Variants in DNAI4 observed in about 807,000 individuals in gnomAD.
The protein encoded by DNAI4 is dynein axonemal intermediate chain 4.
A neutral mutation model predicts 105.8 loss-of-function variants in DNAI4; 85 were observed. The ratio of observed to expected loss-of-function variants is 0.80; its 90% CI spans 0.67 to 0.96. DNAI4 has a LOEUF of 0.96. Among genes scored for constraint, DNAI4 ranks in the 40% least tolerant of loss-of-function variants. The pLI, the probability that DNAI4 is intolerant of heterozygous loss-of-function variation, is 0.00. For missense variants in DNAI4, 1,014 were observed against 1,005.6 expected (o/e 1.01, Z -0.11); for synonymous variants, 352 against 331.5 (o/e 1.06, Z -0.67).
At chr1:66,823,767 T>C (rs1459871849) in intron 15 of DNAI4, among the ~76,000 whole-genome samples, 2 of 149,452 alleles carry the variant, frequency 1.3e-5, no homozygotes, top group Non-Finnish European at 3.0e-5. Flanking sequence ...TTTGTTTTTT[T>C]CTTGTAAATT....
At chr1:66,871,045 A>T (rs1167309540) in intron 6 of DNAI4, 1 of 254,534 alleles carries the variant, frequency 3.9e-6, no homozygotes, top group Non-Finnish European at 7.3e-6. Flanking sequence ...AGTGTCTGAC[A>T]CATTTAAAAT....
chr1:66,826,081 C>T (rs1398209420), intron 15 of DNAI4, among the ~76,000 whole-genome samples: 1 of 152,044 alleles, frequency 6.6e-6, no homozygotes. Context: ...TAAGTTCATA[C>T]CCCTCTGAAT....
intron 4 of DNAI4, among the ~76,000 whole-genome samples, chr1:66,879,755 G>A (rs1412105423): frequency 6.6e-6 from 1 of 152,016 alleles, no homozygotes; most frequent in Non-Finnish European, 1.5e-5. Context: ...TTTTTAATTT[G>A]TATTTTCCTA....
At chr1:66,851,532 TTTAAAAGAAGAGAAATCATAGTGTG>T (rs925708276) in intron 7 of DNAI4, among the ~76,000 whole-genome samples, 2 of 151,578 alleles carry the variant, frequency 1.3e-5, no homozygotes, top group African/African-American at 4.8e-5. Flanking sequence ...CCTTGACAAA[TTTAAAAGAAGAGAAATCATAGTGTG>T]TTAAAAGAAG....
chr1:66,821,492 C>A (rs1572584893), intron 16 of DNAI4, among the ~76,000 whole-genome samples: 1 of 152,138 alleles, frequency 6.6e-6, no homozygotes, highest in Non-Finnish European at 1.5e-5. Flanking sequence ...TATGAGAGGA[C>A]TCATCAAATG....
intron 4 of DNAI4, among the ~76,000 whole-genome samples, chr1:66,886,522 AT>A (rs1335847340): frequency 6.6e-6 from 1 of 152,208 alleles, no homozygotes; most frequent in East Asian, 1.9e-4. Context: ...AGCTACAGGT[AT>A]CAAAACCTTT....
At chr1:66,898,873 A>C (rs1648562337) in intron 2 of DNAI4, among the ~76,000 whole-genome samples, 1 of 152,210 alleles carries the variant, frequency 6.6e-6, no homozygotes, top group Non-Finnish European at 1.5e-5. Flanking sequence ...GGAATCATAT[A>C]CTGTGCAGTA....
chr1:66,893,034 G>GGAAAGAAA (rs60301274), intron 3 of DNAI4, among the ~76,000 whole-genome samples, 195 bp downstream of exon 3: 3 of 91,178 alleles, frequency 3.3e-5, no homozygotes, highest in African/African-American at 1.4e-4. Flanking sequence ...AAGAAAGAGA[G>GGAAAGAAA]GAAAGAAAGA....
Position 66,878,533 on chromosome 1 carries a change from T to C in DNAI4, c.644-3596A>G, listed in dbSNP as rs370359211. 9.2e-5 allele frequency among the ~76,000 whole-genome samples: 14 copies of C among 152,320 alleles called. No homozygotes were observed. The East Asian group carries it at 1.9e-3, about 21-fold the overall frequency. On this transcript the variant is annotated intron_variant, in intron 4 of 16. Transcript: ENST00000371026. ...GCTGCTTCTGGGGTATCATTACTTCTAGGCTTTCTTAGTGGACAGAGCTAA... is the reference window on the plus strand; with the variant it reads ...GCTGCTTCTGGGGTATCATTACTTCCAGGCTTTCTTAGTGGACAGAGCTAA...
intron 10 of DNAI4, among the ~76,000 whole-genome samples, chr1:66,837,016 ACAGT>A (rs942373464): frequency 6.6e-6 from 1 of 152,196 alleles, no homozygotes; most frequent in African/African-American, 2.4e-5. Flanking sequence ...GTTCAGAATA[ACAGT>A]CAGGTGATAA....
At chr1:66,837,668 C>T (rs1236172411) in intron 10 of DNAI4, 42 bp downstream of exon 10, 4 of 1,561,468 alleles carry the variant, frequency 2.6e-6, no homozygotes, top group Non-Finnish European at 3.5e-6. Flanking sequence ...AGAATTTTGT[C>T]AACAGCCAGA....
intron 7 of DNAI4, among the ~76,000 whole-genome samples, chr1:66,857,866 G>A (rs1045651086): frequency 1.3e-5 from 2 of 151,818 alleles, no homozygotes; most frequent in African/African-American, 4.8e-5. Context: ...GATTACAGGC[G>A]TGAGCCACCG....
chr1:66,919,427 C>T (rs894263063), intron 1 of DNAI4, among the ~76,000 whole-genome samples: 1 of 152,156 alleles, frequency 6.6e-6, no homozygotes, highest in Admixed American at 6.5e-5. Flanking sequence ...AAGTTGAAAA[C>T]AGAGAATCAC....
intron 13 of DNAI4, among the ~76,000 whole-genome samples, chr1:66,833,220 A>C (rs900138144): frequency 6.6e-6 from 1 of 152,214 alleles, no homozygotes; most frequent in Non-Finnish European, 1.5e-5. Context: ...AATTTTAAAA[A>C]AAAGCTTTAT....
rs759219099 is a variant in DNAI4 at position 66,835,644 on chromosome 1, A to T, written c.1715T>A (p.Val572Asp). The T allele has an allele frequency of 6.2e-6, 10 of 1,614,014 alleles. No homozygotes were observed. The Admixed American group carries it at 1.5e-4, about 24-fold the overall frequency. ...TTCTTACCTACTATCCAGAACTGGA[A>T]CATTACTGTTGCTCCGTACATTGTA... ...AIYNVRSNSN[V>D]PVLDSSESPQ... Residue 572 changes from valine (V) to aspartate (D), a missense_variant, in exon 11 of 17, where the codon GTT becomes GAT. Transcript: ENST00000371026.
At chr1:66,822,183 GA>G (rs34707377) in intron 16 of DNAI4, among the ~76,000 whole-genome samples, 177 bp downstream of exon 16, 70,179 of 147,264 alleles carry the variant, frequency 0.48, 16,914 homozygotes, top group South Asian at 0.61. Flanking sequence ...AGACGAGGCT[GA>G]AAAAAAAAAA....
intron 6 of DNAI4, among the ~76,000 whole-genome samples, chr1:66,864,253 TA>T (rs1001484317): frequency 6.6e-6 from 1 of 152,162 alleles, no homozygotes; most frequent in South Asian, 2.1e-4. Context: ...ATAAAGCTGT[TA>T]AAAAAGTCTC....
At chr1:66,899,183 A>T (rs1648592619) in intron 2 of DNAI4, among the ~76,000 whole-genome samples, 1 of 152,194 alleles carries the variant, frequency 6.6e-6, no homozygotes, top group South Asian at 2.1e-4. Context: ...GGCACTTCCA[A>T]ACTATTTTAC....
At position 66,840,697 on chromosome 1, in the gene DNAI4, C is replaced by A. The variant is rs377723017; in HGVS notation, c.1292-26G>T. ...CTAAAGTTTAAACAAATAAAAAGATCATTGTCCTCTACATCTATAGGGACC... is the reference window on the plus strand; with the variant it reads ...CTAAAGTTTAAACAAATAAAAAGATAATTGTCCTCTACATCTATAGGGACC... On this transcript the variant is annotated intron_variant, in intron 8 of 16. Coordinates refer to ENST00000371026, the MANE Select transcript of DNAI4 (RefSeq NM_024763.5). 1.2e-5 allele frequency: 19 copies of A among 1,612,556 alleles called. No individual in the cohort carries two copies. The African/African-American group carries it at 2.5e-4, about 22-fold the overall frequency.
Sources: allele counts gnomAD v4.1 joint callset (sites outside exome capture counted in the v4.1 genomes callset), GRCh38; gene constraint gnomAD v4.1.1; transcripts MANE v1.5; gene names NCBI Gene and HGNC (gene_info 2026-07-23, HGNC 2026-07-21).